Variants in CAST observed in about 807,000 individuals in gnomAD.
CAST encodes the protein calpastatin.
CAST carries 76 observed loss-of-function variants against 119.6 expected under a neutral mutation model. The ratio of observed to expected loss-of-function variants is 0.64; its 90% confidence interval spans 0.53 to 0.77. CAST has a LOEUF of 0.77. Among genes scored for constraint, CAST ranks in the 30% least tolerant of loss-of-function variants. CAST has a pLI of 0.00. For missense variants in CAST, 953 were observed against 946.5 expected (o/e 1.01, Z -0.09); for synonymous variants, 319 against 331.6 (o/e 0.96, Z 0.41).
At chr5:96,761,189 T>C (rs1767829211) in intron 24 of CAST, 1 of 152,216 alleles carries the variant, frequency 6.6e-6, no homozygotes, top group Non-Finnish European at 1.5e-5. Flanking sequence ...CCATAGGTTG[T>C]TTCATACTTA....
the CAST span, among the ~76,000 whole-genome samples, chr5:96,310,632 A>T: frequency 6.7e-6 from 1 of 149,766 alleles, no homozygotes; most frequent in African/African-American, 2.4e-5. Flanking sequence ...GTTTATTCAG[A>T]TTTCCTATTT....
At chr5:96,180,602 G>A in the CAST span, among the ~76,000 whole-genome samples, 1 of 152,118 alleles carries the variant, frequency 6.6e-6, no homozygotes, top group South Asian at 2.1e-4. Flanking sequence ...GAGAAAAGGG[G>A]AAATTTGAAA....
At chr5:96,499,115 T>TA in the CAST span, among the ~76,000 whole-genome samples, 2 of 151,898 alleles carry the variant, frequency 1.3e-5, no homozygotes, top group African/African-American at 2.4e-5. Flanking sequence ...AAAATAAATT[T>TA]AAAAAAAGAA....
the CAST span, chr5:96,408,260 G>A: frequency 6.2e-7 from 1 of 1,614,124 alleles, no homozygotes; most frequent in East Asian, 2.2e-5. Context: ...CCAGCAGCCA[G>A]AGGTGCAGAG....
At chr5:96,625,443 A>G (rs1249371533) in intron 1 of CAST, among the ~76,000 whole-genome samples, 1 of 152,238 alleles carries the variant, frequency 6.6e-6, no homozygotes, top group African/African-American at 2.4e-5. Flanking sequence ...GCGAAATTGT[A>G]TAGAAAGCTA....
chr5:96,526,132 G>C (rs1488175660), upstream of CAST, among the ~76,000 whole-genome samples: 3 of 152,322 alleles, frequency 2.0e-5, no homozygotes, highest in East Asian at 3.9e-4. Context: ...TCTAGGTTCT[G>C]TGGCTGTTCT....
At chr5:96,519,066 C>CA in the CAST span, among the ~76,000 whole-genome samples, 12 of 151,250 alleles carry the variant, frequency 7.9e-5, no homozygotes, top group South Asian at 1.3e-3. Context: ...CTCACACCCA[C>CA]AAAAAAAAGA....
chr5:96,074,921 T>A, the CAST span, among the ~76,000 whole-genome samples: 1 of 152,196 alleles, frequency 6.6e-6, no homozygotes, highest in East Asian at 1.9e-4. Flanking sequence ...AGCTCTTACA[T>A]GGTGAATAAA....
the CAST span, among the ~76,000 whole-genome samples, chr5:96,200,046 A>T: frequency 6.6e-6 from 1 of 152,150 alleles, no homozygotes; most frequent in African/African-American, 2.4e-5. Flanking sequence ...CTTCTAAAAC[A>T]TATTTGTAGA....
At chr5:96,360,726 G>A in the CAST span, among the ~76,000 whole-genome samples, 4 of 152,286 alleles carry the variant, frequency 2.6e-5, no homozygotes, top group South Asian at 2.1e-4. Flanking sequence ...AGGGGCAACC[G>A]CAAGATGCCA....
chr5:96,109,817 A>G, the CAST span, among the ~76,000 whole-genome samples: 3 of 152,180 alleles, frequency 2.0e-5, no homozygotes, highest in Admixed American at 6.5e-5. Flanking sequence ...TTTGGGGAAG[A>G]TACCACATCT....
chr5:96,027,295 A>G, the CAST span, among the ~76,000 whole-genome samples: 8 of 152,312 alleles, frequency 5.3e-5, no homozygotes, highest in Non-Finnish European at 8.8e-5. Flanking sequence ...CTGGAAATGC[A>G]AATAGTTTTA....
At chr5:96,325,523 AGGCT>A in the CAST span, among the ~76,000 whole-genome samples, 22 of 149,442 alleles carry the variant, frequency 1.5e-4, 1 homozygote, top group South Asian at 4.6e-3. Context: ...TCTGTTGCCC[AGGCT>A]GGAGTGCAGT....
the CAST span, among the ~76,000 whole-genome samples, chr5:96,137,346 AT>A: frequency 9.9e-5 from 15 of 152,196 alleles, no homozygotes; most frequent in African/African-American, 3.4e-4. Context: ...TTTATAGCTC[AT>A]TTTTTTATTG....
At chr5:96,524,293 G>A (rs960916674), upstream of CAST, among the ~76,000 whole-genome samples, 8 of 152,338 alleles carry the variant, frequency 5.3e-5, no homozygotes, top group East Asian at 1.3e-3. Flanking sequence ...GTATCTGGCA[G>A]ATAAAACTGG....
chr5:96,005,699 C>T, the CAST span, among the ~76,000 whole-genome samples: 47 of 151,986 alleles, frequency 3.1e-4, 1 homozygote, highest in South Asian at 4.0e-3. Context: ...ACTATTTAAA[C>T]GTGTGATAGG....
intron 22 of CAST, among the ~76,000 whole-genome samples, chr5:96,756,174 A>G (rs914728929): frequency 3.3e-5 from 5 of 152,204 alleles, no homozygotes; most frequent in Non-Finnish European, 7.3e-5. Context: ...AGGTCTCCTC[A>G]GTGAGATTTG....
chr5:96,185,858 T>A, the CAST span, among the ~76,000 whole-genome samples: 157 of 152,260 alleles, frequency 1.0e-3, 1 homozygote, highest in Middle Eastern at 3.4e-3. Flanking sequence ...ATATGAATTT[T>A]AAATTTTTTT....
chr5:96,628,358 T>C (rs1747763197), intron 1 of CAST, among the ~76,000 whole-genome samples: 1 of 152,246 alleles, frequency 6.6e-6, no homozygotes, highest in African/African-American at 2.4e-5. Context: ...TGAGTTCAAC[T>C]CTTCTATAAA....
Sources: allele counts gnomAD v4.1 joint callset (sites outside exome capture counted in the v4.1 genomes callset), GRCh38; gene constraint gnomAD v4.1.1; transcripts MANE v1.5; gene names NCBI Gene and HGNC (gene_info 2026-07-23, HGNC 2026-07-21).